AHCYL2: variants seen among roughly 807,000 people sequenced by gnomAD.
AHCYL2 encodes the protein S-adenosylhomocysteine hydrolase-like protein 2.
A neutral mutation model predicts 81.4 loss-of-function variants in AHCYL2; 28 were observed. The observed-to-expected ratio is 0.34, with a 90% CI of 0.25 to 0.47. AHCYL2 has a LOEUF of 0.47. Ranked by LOEUF, AHCYL2 falls within the 20% of genes least tolerant of loss-of-function variation. The pLI, the probability that AHCYL2 is intolerant of heterozygous loss-of-function variation, is 1.00. For missense variants in AHCYL2, 551 were observed against 785.1 expected, an observed-to-expected ratio of 0.70 and a Z score of 3.56; for synonymous variants, 272 against 290.2, an observed-to-expected ratio of 0.94 and a Z score of 0.64.
chr7:129,337,948 T>G (rs949805092), intron 1 of AHCYL2, among the ~76,000 whole-genome samples: 50 of 152,242 alleles, frequency 3.3e-4, no homozygotes, highest in African/African-American at 1.1e-3. Flanking sequence ...TTCTCCATGT[T>G]GGTCAGGCTG....
chr7:129,268,464 C>T lies in AHCYL2; in HGVS notation c.363+43025C>T, dbSNP rs970255383. 2.0e-4 allele frequency among the ~76,000 whole-genome samples: 31 copies of T among 152,318 alleles called. 1 individual carries two copies. The highest frequency in any genetic ancestry group is 6.5e-4 in the African/African-American group (27 of 41,576). ...CCGGATTCAAGTGATTCTCCTGCCT[C>T]AGCCTCCTGAGTAGCTGGGACTACA... On this transcript the variant is annotated intron_variant, in intron 1 of 16. Coordinates refer to ENST00000325006, the MANE Select transcript of AHCYL2 (RefSeq NM_015328.4).
In AHCYL2 at chr7:129,419,413, G is replaced by T. The variant is rs1485542547; in HGVS notation, c.1462-3427G>T. 3.3e-5 allele frequency among the ~76,000 whole-genome samples: 5 copies of T among 152,160 alleles called. No individual in the cohort carries two copies. Among genetic ancestry groups the T allele is most frequent in the Non-Finnish European group, 7.4e-5 (5 of 68,024 alleles). On this transcript the variant is annotated intron_variant, in intron 12 of 16. Transcript: ENST00000325006. The surrounding 1 kb of genome is among the most constrained non-coding windows in gnomAD (Gnocchi z 4.7). ...TACTAAAAATACAAAAATTAGCTGG[G>T]CATGGTGGCGTGTGCCTGTAATCCC...
chr7:129,376,198 A>G (rs538697071), intron 1 of AHCYL2, among the ~76,000 whole-genome samples: 7 of 152,194 alleles, frequency 4.6e-5, no homozygotes, highest in Non-Finnish European at 8.8e-5. Context: ...CTACTAAGGT[A>G]CCACAATTGG....
chr7:129,299,325 G>A (rs568654293), intron 1 of AHCYL2, among the ~76,000 whole-genome samples: 2 of 126,550 alleles, frequency 1.6e-5, no homozygotes, highest in African/African-American at 2.9e-5. Context: ...TGGCTCACCT[G>A]TAGTTTCAAC....
At chr7:129,255,131 C>T (rs922888331) in intron 1 of AHCYL2, among the ~76,000 whole-genome samples, 3 of 151,650 alleles carry the variant, frequency 2.0e-5, no homozygotes, top group Non-Finnish European at 2.9e-5. Context: ...CATGGTGGCA[C>T]GTGCCTATAA....
chr7:129,406,988 C>T lies in AHCYL2; in HGVS notation c.1295+522C>T, dbSNP rs143006809. ...ATGATTCTAAAATTAAAAGTTAAAACTTTTCTTATCTATAAAATGTGTGTA... is the reference window on the plus strand; with the variant it reads ...ATGATTCTAAAATTAAAAGTTAAAATTTTTCTTATCTATAAAATGTGTGTA... On this transcript the variant is annotated intron_variant, in intron 10 of 16. Transcript: ENST00000325006. The surrounding 1 kb of genome is among the most constrained non-coding windows in gnomAD (Gnocchi z 4.3). Among the ~76,000 whole-genome samples the T allele has an allele frequency of 1.2e-3, 189 of 152,232 alleles. 2 individuals are homozygous for T. In the East Asian group the frequency reaches 0.034, roughly 27 times the overall value.
In AHCYL2 at chr7:129,409,657, T is replaced by G. The variant is rs1320547148; in HGVS notation, c.1366+111T>G. On this transcript the variant is annotated intron_variant, in intron 11 of 16. Transcript: ENST00000325006. Reference sequence around the variant, plus strand: ...CCAAACTCTAAAAGCTAGAGAGAGATAGTAGCCCACAAAGCCAGCCAGTCT... The same window carrying G: ...CCAAACTCTAAAAGCTAGAGAGAGAGAGTAGCCCACAAAGCCAGCCAGTCT... The G allele has an allele frequency of 4.5e-6, 4 of 886,036 alleles. No individual in the cohort carries two copies. In the African/African-American group the frequency reaches 6.8e-5, roughly 15 times the overall value. The allele number at this position is 886,036 out of a possible 1,614,324, so 54.9% of individuals were successfully genotyped here.
At chr7:129,392,116 T>C (rs1265842015) in intron 4 of AHCYL2, among the ~76,000 whole-genome samples, 1 of 152,188 alleles carries the variant, frequency 6.6e-6, no homozygotes, top group Non-Finnish European at 1.5e-5. Flanking sequence ...TTTTCCTGAA[T>C]GGATTGATCA....
At chr7:129,312,456 T>G (rs1797690856) in intron 1 of AHCYL2, among the ~76,000 whole-genome samples, 1 of 152,258 alleles carries the variant, frequency 6.6e-6, no homozygotes, top group East Asian at 1.9e-4. Flanking sequence ...TTACTCAGGC[T>G]GGTGTGCAGT....
intron 1 of AHCYL2, among the ~76,000 whole-genome samples, chr7:129,302,956 A>C (rs1239500272): frequency 6.6e-6 from 1 of 151,980 alleles, no homozygotes; most frequent in Non-Finnish European, 1.5e-5. Context: ...TGTTTGGTAA[A>C]ATTCAGCAGT....
chr7:129,277,564 G>C (rs1201482044), intron 1 of AHCYL2, among the ~76,000 whole-genome samples: 2 of 152,146 alleles, frequency 1.3e-5, no homozygotes, highest in Non-Finnish European at 2.9e-5. Context: ...ACAGGCGTGA[G>C]CCACTGCGCC....
intron 13 of AHCYL2, among the ~76,000 whole-genome samples, chr7:129,424,164 G>A (rs2150969312): frequency 6.6e-6 from 1 of 150,600 alleles, no homozygotes; most frequent in East Asian, 1.9e-4. Flanking sequence ...TTGAATTCAG[G>A]AGAAGCAAAC....
intron 1 of AHCYL2, among the ~76,000 whole-genome samples, chr7:129,331,259 T>C (rs1798408415): frequency 6.6e-6 from 1 of 152,198 alleles, no homozygotes; most frequent in Admixed American, 6.5e-5. Context: ...GCGGGTACTT[T>C]GGCAATAGAG....
intron 1 of AHCYL2, among the ~76,000 whole-genome samples, chr7:129,356,304 A>AT (rs1305707794): frequency 6.6e-6 from 1 of 152,182 alleles, no homozygotes. Context: ...TTTTTATCAC[A>AT]TTCTGCAGAC....
At chr7:129,317,483 A>G (rs1160598216) in intron 1 of AHCYL2, among the ~76,000 whole-genome samples, 1 of 152,214 alleles carries the variant, frequency 6.6e-6, no homozygotes, top group Non-Finnish European at 1.5e-5. Context: ...AAGACCGGGA[A>G]GAAAAGGCTG....
In AHCYL2 at chr7:129,225,427, C is replaced by T; in HGVS notation, c.351C>T (p.Arg117=). 1 of 1,515,224 alleles carries T rather than the reference C, an allele frequency of 6.6e-7. No homozygotes were observed. The highest frequency in any genetic ancestry group is 8.8e-7 in the Non-Finnish European group (1 of 1,137,312). 93.9% of individuals were successfully genotyped at this position (1,515,224 alleles called of 1,614,324 possible). Residue 117 remains arginine (R), a synonymous_variant, in exon 1 of 17, where the codon CGC becomes CGT. Transcript: ENST00000325006. ...ACGGCACCGTCACCGAGGCGCCGCG[C>T]ACAGTCAAGAAGGTACTGGGGCCGG... ...SPDGTVTEAP[R]TVKKQIQFAD...
chr7:129,243,469 T>A (rs1251603881), intron 1 of AHCYL2, among the ~76,000 whole-genome samples: 1 of 152,238 alleles, frequency 6.6e-6, no homozygotes, highest in African/African-American at 2.4e-5. Flanking sequence ...TTGTCCTTTT[T>A]GAGTCTTGTT....
chr7:129,248,659 T>A (rs1316414185), intron 1 of AHCYL2, among the ~76,000 whole-genome samples: 1 of 151,306 alleles, frequency 6.6e-6, no homozygotes, highest in African/African-American at 2.4e-5. Flanking sequence ...GGTATCCAAG[T>A]CCTTTGAATT....
chr7:129,401,350 A>T lies in AHCYL2; in HGVS notation c.918+966A>T, dbSNP rs543103335. Reference sequence around the variant, plus strand: ...GCCCCCATCCCAGTGCCCCCCCCCAAAAAAGCTACACAAAGTATAAGGTGC... The same window carrying T: ...GCCCCCATCCCAGTGCCCCCCCCCATAAAAGCTACACAAAGTATAAGGTGC... On this transcript the variant is annotated intron_variant, in intron 6 of 16. Coordinates refer to ENST00000325006, the MANE Select transcript of AHCYL2 (RefSeq NM_015328.4). Among the ~76,000 whole-genome samples, 66 of 137,738 alleles carry T rather than the reference A, an allele frequency of 4.8e-4. 1 individual carries two copies. The South Asian group carries it at 0.016, about 33-fold the overall frequency. 90.4% of individuals were successfully genotyped at this position (137,738 alleles called of 152,430 possible). A position where few individuals can be genotyped will look rare whatever the true frequency, so the allele number is the denominator to read the frequency against.
Sources: allele counts gnomAD v4.1 joint callset (sites outside exome capture counted in the v4.1 genomes callset), GRCh38; gene constraint gnomAD v4.1.1; non-coding constraint Gnocchi (gnomAD v3.1); transcripts MANE v1.5; gene names NCBI Gene and HGNC (gene_info 2026-07-23, HGNC 2026-07-21).